PTPRO: variants seen among roughly 807,000 people sequenced by gnomAD.
The protein encoded by PTPRO is protein tyrosine phosphatase receptor type O.
A neutral mutation model predicts 145.2 loss-of-function variants in PTPRO; 62 were observed. The ratio of observed to expected loss-of-function variants is 0.43; its 90% confidence interval spans 0.35 to 0.53. The LOEUF is 0.53. PTPRO is among the 20% of genes least tolerant of loss of function. The pLI is 0.01. For missense variants in PTPRO, 1,345 were observed against 1,482.7 expected, an observed-to-expected ratio of 0.91 and a Z score of 1.53; for synonymous variants, 565 against 514.7, an observed-to-expected ratio of 1.10 and a Z score of -1.32.
intron 1 of PTPRO, among the ~76,000 whole-genome samples, chr12:15,330,613 A>T (rs1361551898): frequency 6.6e-6 from 1 of 152,118 alleles, no homozygotes; most frequent in Non-Finnish European, 1.5e-5. Context: ...AAATCAAATC[A>T]TTTATTCTCC....
At chr12:15,371,876 G>C (rs1938541745) in intron 1 of PTPRO, among the ~76,000 whole-genome samples, 1 of 152,004 alleles carries the variant, frequency 6.6e-6, no homozygotes, top group Non-Finnish European at 1.5e-5. Context: ...TCTCCTCCTG[G>C]CCGCCTTGTG....
chr12:15,536,915 C>A (rs554261836), intron 12 of PTPRO, among the ~76,000 whole-genome samples: 1 of 152,098 alleles, frequency 6.6e-6, no homozygotes, highest in Non-Finnish European at 1.5e-5. Flanking sequence ...TTAGGTCAGA[C>A]TGGGAGCCAC....
intron 1 of PTPRO, among the ~76,000 whole-genome samples, chr12:15,403,917 G>A (rs751718292): frequency 1.3e-5 from 2 of 151,938 alleles, no homozygotes; most frequent in Admixed American, 6.5e-5. Context: ...AGTGTTTAGG[G>A]CCAGGCACTG....
chr12:15,329,949 G>A (rs184071066), intron 1 of PTPRO, among the ~76,000 whole-genome samples: 1 of 152,260 alleles, frequency 6.6e-6, no homozygotes, highest in Non-Finnish European at 1.5e-5. Context: ...ACGAGCAAAG[G>A]CCCAGTGTTG....
intron 7 of PTPRO, among the ~76,000 whole-genome samples, chr12:15,511,445 C>T (rs1451529816): frequency 1.3e-5 from 2 of 152,152 alleles, no homozygotes; most frequent in Admixed American, 6.5e-5. Flanking sequence ...ATCTGTAATC[C>T]AATTACCCCT....
intron 1 of PTPRO, among the ~76,000 whole-genome samples, chr12:15,324,864 G>A (rs1002608366): frequency 1.3e-5 from 2 of 152,116 alleles, no homozygotes; most frequent in African/African-American, 4.8e-5. Flanking sequence ...CTTACATTTA[G>A]AGGATAGTAT....
chr12:15,336,406 T>C lies in PTPRO; in HGVS notation c.75+13605T>C, dbSNP rs1866763455. On this transcript the variant is annotated intron_variant, in intron 1 of 26. Coordinates refer to ENST00000281171, the MANE Select transcript of PTPRO (RefSeq NM_030667.3). ...AAGTGTATTTGCATTGTTAAAGACG[T>C]AGATGATCATAGATACAGATTGTAA... is the stretch of plus-strand genomic sequence containing the variant. Among the ~76,000 whole-genome samples the C allele has an allele frequency of 5.9e-5, 9 of 152,162 alleles. No individual in the cohort carries two copies. In the South Asian group the frequency reaches 1.9e-3, roughly 32 times the overall value.
intron 1 of PTPRO, among the ~76,000 whole-genome samples, chr12:15,345,409 C>T (rs1867167784): frequency 6.6e-6 from 1 of 152,100 alleles, no homozygotes; most frequent in Non-Finnish European, 1.5e-5. Flanking sequence ...ACATATGCAC[C>T]ATGGTATACT....
intron 7 of PTPRO, among the ~76,000 whole-genome samples, chr12:15,515,289 CAG>C (rs1942553385): frequency 6.6e-6 from 1 of 152,080 alleles, no homozygotes; most frequent in Non-Finnish European, 1.5e-5. Flanking sequence ...GGGCTTAGAA[CAG>C]ACAAAATTTG....
chr12:15,563,429 A>G (rs766334168), intron 17 of PTPRO, among the ~76,000 whole-genome samples: 2 of 152,128 alleles, frequency 1.3e-5, no homozygotes, highest in Admixed American at 6.6e-5. Context: ...TTGAAAATGT[A>G]GGAACATTTT....
chr12:15,453,116 G>A (rs957658217), intron 1 of PTPRO, among the ~76,000 whole-genome samples: 1 of 151,940 alleles, frequency 6.6e-6, no homozygotes, highest in Non-Finnish European at 1.5e-5. Flanking sequence ...GCCTAGCAAG[G>A]AGAAAATCTA....
At chr12:15,584,942 C>G (rs1051782661) in intron 23 of PTPRO, among the ~76,000 whole-genome samples, 20 of 152,106 alleles carry the variant, frequency 1.3e-4, no homozygotes, top group African/African-American at 4.8e-4. Context: ...TCACTTTCTA[C>G]TACTTGAAAT....
intron 1 of PTPRO, among the ~76,000 whole-genome samples, chr12:15,328,405 C>A (rs1253994794): frequency 6.6e-6 from 1 of 152,112 alleles, no homozygotes; most frequent in Non-Finnish European, 1.5e-5. Flanking sequence ...AAGGCCAGCT[C>A]CTTTTTCTTC....
At chr12:15,595,419 G>C (rs1944639494) in intron 26 of PTPRO, 1 of 290,416 alleles carries the variant, frequency 3.4e-6, no homozygotes, top group African/African-American at 2.2e-5. Flanking sequence ...ATATTTTATT[G>C]ATTACAAGGG....
At chr12:15,344,198 T>C (rs912790885) in intron 1 of PTPRO, among the ~76,000 whole-genome samples, 1 of 152,200 alleles carries the variant, frequency 6.6e-6, no homozygotes, top group Non-Finnish European at 1.5e-5. Context: ...ATTGTTAATG[T>C]TGAAGCCCCA....
intron 1 of PTPRO, among the ~76,000 whole-genome samples, chr12:15,414,087 C>T (rs997238030): frequency 5.9e-5 from 9 of 152,114 alleles, no homozygotes; most frequent in African/African-American, 1.7e-4. Context: ...GATATTTATC[C>T]GGTTCAATAT....
At chr12:15,381,272 T>C (rs1227274695) in intron 1 of PTPRO, among the ~76,000 whole-genome samples, 1 of 152,234 alleles carries the variant, frequency 6.6e-6, no homozygotes, top group Non-Finnish European at 1.5e-5. Flanking sequence ...ATTATTTGAA[T>C]GTGGGATAGA....
chr12:15,510,724 T>G (rs1018982582), intron 7 of PTPRO, among the ~76,000 whole-genome samples: 1 of 152,168 alleles, frequency 6.6e-6, no homozygotes, highest in East Asian at 1.9e-4. Flanking sequence ...TTTTTGAGAT[T>G]TGTATAATAT....
chr12:15,425,046 C>T (rs1163875380), intron 1 of PTPRO, among the ~76,000 whole-genome samples: 1 of 152,088 alleles, frequency 6.6e-6, no homozygotes, highest in East Asian at 1.9e-4. Context: ...TTTCAGTGAT[C>T]TTTGATTTAC....
Sources: allele counts gnomAD v4.1 joint callset (sites outside exome capture counted in the v4.1 genomes callset), GRCh38; gene constraint gnomAD v4.1.1; transcripts MANE v1.5; gene names NCBI Gene and HGNC (gene_info 2026-07-23, HGNC 2026-07-21).